Variants in PDE1A observed in about 807,000 individuals in gnomAD.
PDE1A encodes phosphodiesterase 1A.
PDE1A carries 35 observed loss-of-function variants against 61.7 expected under a neutral mutation model. The ratio of observed to expected loss-of-function variants is 0.57; its 90% CI spans 0.43 to 0.75. PDE1A has a LOEUF of 0.75. Among genes scored for constraint, PDE1A ranks in the 30% least tolerant of loss-of-function variants. The pLI is 0.00. For synonymous variants in PDE1A, 232 were observed against 213.2 expected, an observed-to-expected ratio of 1.09 and a Z score of -0.77; for missense variants, 597 against 630.6, an observed-to-expected ratio of 0.95 and a Z score of 0.57.
the PDE1A span, among the ~76,000 whole-genome samples, chr2:182,693,111 G>A: frequency 6.6e-6 from 1 of 151,966 alleles, no homozygotes; most frequent in African/African-American, 2.4e-5. Context: ...AAATAGATAA[G>A]CAACTAGGAA....
At chr2:182,538,284 C>A in the PDE1A span, among the ~76,000 whole-genome samples, 85 of 152,190 alleles carry the variant, frequency 5.6e-4, 1 homozygote, top group African/African-American at 1.8e-3. Flanking sequence ...AATATAAACT[C>A]CCATGGCAAG....
chr2:182,708,701 C>T, the PDE1A span, among the ~76,000 whole-genome samples: 1 of 152,062 alleles, frequency 6.6e-6, no homozygotes, highest in African/African-American at 2.4e-5. Context: ...GACTACAGTT[C>T]GAGATGAGAT....
At chr2:182,219,586 A>G (rs538269359) in intron 7 of PDE1A, among the ~76,000 whole-genome samples, 107 of 152,242 alleles carry the variant, frequency 7.0e-4, no homozygotes, top group African/African-American at 2.5e-3. Context: ...GCTACCACTT[A>G]CCCAACACCG....
chr2:182,673,347 G>C, the PDE1A span, among the ~76,000 whole-genome samples: 1 of 152,134 alleles, frequency 6.6e-6, no homozygotes, highest in African/African-American at 2.4e-5. Context: ...AAAGGTATAA[G>C]TGTTGAAAGA....
the PDE1A span, among the ~76,000 whole-genome samples, chr2:182,692,624 A>G: frequency 6.6e-6 from 1 of 151,174 alleles, no homozygotes; most frequent in Non-Finnish European, 1.5e-5. Context: ...CATATGTAAC[A>G]AACCTGGATG....
chr2:182,633,339 C>T, the PDE1A span, among the ~76,000 whole-genome samples: 2 of 152,212 alleles, frequency 1.3e-5, no homozygotes, highest in Non-Finnish European at 2.9e-5. Context: ...TTGCATTCTG[C>T]TCCAGGCTGG....
chr2:182,545,929 T>C, the PDE1A span, among the ~76,000 whole-genome samples: 4 of 152,316 alleles, frequency 2.6e-5, no homozygotes, highest in Non-Finnish European at 4.4e-5. Flanking sequence ...TTTAGTGACT[T>C]TTATCATACA....
At chr2:182,691,843 AC>A in the PDE1A span, among the ~76,000 whole-genome samples, 759 of 152,142 alleles carry the variant, frequency 5.0e-3, 11 homozygotes, top group African/African-American at 0.018. Flanking sequence ...GAAAAAAAAA[AC>A]CCCATCAAAA....
downstream of PDE1A, among the ~76,000 whole-genome samples, chr2:182,164,695 G>A (rs923871474): frequency 3.9e-5 from 6 of 152,094 alleles, no homozygotes; most frequent in South Asian, 2.1e-4. Flanking sequence ...CTACTGCCTC[G>A]CCATAGACTG....
intron 2 of PDE1A, among the ~76,000 whole-genome samples, chr2:182,498,954 AT>A (rs2125910846): frequency 6.6e-6 from 1 of 152,032 alleles, no homozygotes; most frequent in South Asian, 2.1e-4. Flanking sequence ...AAATAAAAAA[AT>A]AAAAAAATGA....
At chr2:182,242,893 T>TCA (rs34752164) in intron 2 of PDE1A, among the ~76,000 whole-genome samples, 1 of 117,826 alleles carries the variant, frequency 8.5e-6, no homozygotes, top group Non-Finnish European at 1.7e-5. Context: ...CCTCTCTCTC[T>TCA]CTCTCCCTCT....
intron 10 of PDE1A, among the ~76,000 whole-genome samples, chr2:182,198,194 G>A (rs1292073434): frequency 2.0e-5 from 3 of 151,766 alleles, no homozygotes; most frequent in Non-Finnish European, 3.0e-5. Context: ...TTTTCAAATT[G>A]TTTGCAGCTT....
intron 1 of PDE1A, among the ~76,000 whole-genome samples, chr2:182,313,662 G>C (rs1247868361): frequency 6.6e-6 from 1 of 152,066 alleles, no homozygotes; most frequent in Non-Finnish European, 1.5e-5. Flanking sequence ...GATCTGTATT[G>C]GTGAGCATAT....
chr2:182,150,026 C>A (rs774936287), intron 13 of PDE1A, among the ~76,000 whole-genome samples: 27 of 151,958 alleles, frequency 1.8e-4, no homozygotes, highest in Non-Finnish European at 3.4e-4. Context: ...ATTAAAAGGT[C>A]TAATTGAAGG....
At chr2:182,707,921 T>C in the PDE1A span, among the ~76,000 whole-genome samples, 1 of 152,156 alleles carries the variant, frequency 6.6e-6, no homozygotes, top group African/African-American at 2.4e-5. Flanking sequence ...CTAGGTAGGA[T>C]GACTAACTTC....
chr2:182,453,275 G>A (rs1486810848), intron 2 of PDE1A, among the ~76,000 whole-genome samples: 2 of 152,026 alleles, frequency 1.3e-5, no homozygotes, highest in Non-Finnish European at 2.9e-5. Context: ...CTGATACGGT[G>A]ATGAAAGAGC....
the PDE1A span, among the ~76,000 whole-genome samples, chr2:182,590,276 G>A: frequency 6.6e-6 from 1 of 152,094 alleles, no homozygotes; most frequent in Non-Finnish European, 1.5e-5. Context: ...AGACTAGCCT[G>A]AAGAACAAAG....
chr2:182,403,321 C>T (rs569150352), intron 1 of PDE1A, among the ~76,000 whole-genome samples: 1 of 152,066 alleles, frequency 6.6e-6, no homozygotes, highest in East Asian at 1.9e-4. Flanking sequence ...GCACATAGGC[C>T]AGGCGCGGTG....
the PDE1A span, among the ~76,000 whole-genome samples, chr2:182,577,540 C>G: frequency 2.4e-4 from 37 of 152,178 alleles, no homozygotes; most frequent in Non-Finnish European, 4.9e-4. Context: ...CAGAATGTCA[C>G]TGTTTAGAAT....
Sources: gnomAD v4.1 joint callset for allele counts (sites outside exome capture counted in the v4.1 genomes callset) on GRCh38, gnomAD v4.1.1 for gene constraint, MANE v1.5 for transcripts, NCBI Gene and HGNC (gene_info 2026-07-23, HGNC 2026-07-21) for gene names.